The following SLC17A1 variants were observed in gnomAD, a reference collection of about 807,000 sequenced individuals.
The protein encoded by SLC17A1 is solute carrier family 17 member 1.
In SLC17A1, 51 loss-of-function variants were observed where a neutral mutation model predicts 53.5. The observed-to-expected ratio is 0.95, with a 90% CI of 0.76 to 1.20. SLC17A1 has a LOEUF of 1.20. SLC17A1 is among the 50% of genes most tolerant of loss of function. The pLI, the probability that SLC17A1 is intolerant of heterozygous loss-of-function variation, is 0.00. For missense variants in SLC17A1, 538 were observed against 568.2 expected (o/e 0.95, Z 0.54); for synonymous variants, 179 against 198.8 (o/e 0.90, Z 0.84).
the SLC17A1 span, among the ~76,000 whole-genome samples, chr6:25,755,344 G>A: frequency 9.2e-5 from 14 of 152,114 alleles, no homozygotes; most frequent in Non-Finnish European, 1.9e-4. Flanking sequence ...TAATGATGAA[G>A]AGTTTAGGGC....
the SLC17A1 span, among the ~76,000 whole-genome samples, chr6:25,737,887 A>G: frequency 6.6e-6 from 1 of 152,200 alleles, no homozygotes; most frequent in South Asian, 2.1e-4. Flanking sequence ...AGACATTCAG[A>G]TTCTACCTGG....
chr6:25,732,097 T>A, the SLC17A1 span: 92 of 936,188 alleles, frequency 9.8e-5, 4 homozygotes, highest in East Asian at 2.8e-3. Flanking sequence ...TCCTTCGAGT[T>A]TTAGCAACTG....
At chr6:25,829,671 A>G (rs1764876259) in intron 2 of SLC17A1, among the ~76,000 whole-genome samples, 1 of 152,192 alleles carries the variant, frequency 6.6e-6, no homozygotes, top group South Asian at 2.1e-4. Flanking sequence ...AAAGAAGACC[A>G]CAGGGGGAAT....
chr6:25,753,009 T>C, the SLC17A1 span, among the ~76,000 whole-genome samples: 1 of 152,090 alleles, frequency 6.6e-6, no homozygotes, highest in African/African-American at 2.4e-5. Flanking sequence ...ACCCTTATTC[T>C]ATAAGCTTTG....
the SLC17A1 span, among the ~76,000 whole-genome samples, chr6:25,743,742 T>A: frequency 6.6e-6 from 1 of 152,222 alleles, no homozygotes. Flanking sequence ...TGACAGATAC[T>A]GCTCCTGGCC....
At chr6:25,778,155 T>C, downstream of SLC17A1, 4 of 597,488 alleles carry the variant, frequency 6.7e-6, no homozygotes, top group Non-Finnish European at 8.7e-6. Flanking sequence ...GACTTAAGAA[T>C]TAAAGAAACT....
chr6:25,732,208 T>TCTCC, the SLC17A1 span: 1 of 352,970 alleles, frequency 2.8e-6, no homozygotes, highest in Admixed American at 4.0e-5. Flanking sequence ...GATGTTTGAC[T>TCTCC]GGAGTGAAGC....
chr6:25,820,180 T>C (rs1319588150), intron 3 of SLC17A1, among the ~76,000 whole-genome samples: 1 of 152,206 alleles, frequency 6.6e-6, no homozygotes, highest in Non-Finnish European at 1.5e-5. Context: ...CATAGACATT[T>C]AATGCTTGTT....
At chr6:25,726,050 T>G in the SLC17A1 span, 1 of 1,321,614 alleles carries the variant, frequency 7.6e-7, no homozygotes, top group Non-Finnish European at 1.0e-6. Flanking sequence ...CGTACAGCCT[T>G]TTTCTGAGAC....
the SLC17A1 span, among the ~76,000 whole-genome samples, chr6:25,728,092 A>G: frequency 6.6e-6 from 1 of 152,302 alleles, no homozygotes; most frequent in African/African-American, 2.4e-5. Context: ...ATTACACATA[A>G]TAAAACTAAA....
chr6:25,830,302 C>T (rs371539340), intron 2 of SLC17A1, among the ~76,000 whole-genome samples: 2 of 152,072 alleles, frequency 1.3e-5, no homozygotes, highest in Admixed American at 6.6e-5. Context: ...CTGACAAGTG[C>T]GCAAAAATGA....
chr6:25,769,953 G>A, the SLC17A1 span: 134 of 872,648 alleles, frequency 1.5e-4, no homozygotes, highest in Non-Finnish European at 2.3e-4. Context: ...TGGAGGAACT[G>A]GAGAAATGTA....
chr6:25,731,891 G>A, the SLC17A1 span: 3 of 1,603,040 alleles, frequency 1.9e-6, no homozygotes, highest in Non-Finnish European at 2.6e-6. Context: ...TCTCCCTGGA[G>A]GTGATGGTCG....
chr6:25,753,361 A>G, the SLC17A1 span, among the ~76,000 whole-genome samples: 412 of 152,218 alleles, frequency 2.7e-3, 2 homozygotes, highest in East Asian at 0.011. Flanking sequence ...AGGAAGGTGA[A>G]TTTGCTCTCT....
Position 25,821,793 on chromosome 6 carries a change from AC to A in SLC17A1, c.208-1879del, listed in dbSNP as rs1328636649. 2.0e-5 allele frequency among the ~76,000 whole-genome samples: 3 copies of A among 152,220 alleles called. 1 individual carries two copies. Among genetic ancestry groups the A allele is most frequent in the Admixed American group, 2.0e-4 (3 of 15,286 alleles). ...CAGTGCATTAACTAGTTGCCATTGA[AC>A]AAAGTACTCCACATATAAATGTATA... On this transcript the variant is annotated intron_variant, in intron 3 of 12. Transcript: ENST00000244527.
chr6:25,762,120 C>T, the SLC17A1 span: 3 of 1,351,908 alleles, frequency 2.2e-6, no homozygotes, highest in Admixed American at 6.2e-5. Context: ...ACTTGTGGTA[C>T]TAAATAAAAC....
the SLC17A1 span, among the ~76,000 whole-genome samples, chr6:25,724,102 A>C: frequency 3.9e-5 from 6 of 152,182 alleles, no homozygotes; most frequent in Non-Finnish European, 7.3e-5. Context: ...CTGGAGATAA[A>C]CTCTATGAAA....
At chr6:25,797,831 C>T (rs370159038) in intron 12 of SLC17A1, among the ~76,000 whole-genome samples, 5 of 152,080 alleles carry the variant, frequency 3.3e-5, no homozygotes, top group East Asian at 3.9e-4. Flanking sequence ...AACTCCTGAC[C>T]TCATGATCCA....
At chr6:25,735,617 T>C in the SLC17A1 span, among the ~76,000 whole-genome samples, 1 of 152,170 alleles carries the variant, frequency 6.6e-6, no homozygotes, top group Non-Finnish European at 1.5e-5. Context: ...TTTTATTCCA[T>C]GACCAAAGTC....
Sources: allele counts gnomAD v4.1 joint callset (sites outside exome capture counted in the v4.1 genomes callset), GRCh38; gene constraint gnomAD v4.1.1; transcripts MANE v1.5; gene names NCBI Gene and HGNC (gene_info 2026-07-23, HGNC 2026-07-21).